TRPV5: variants seen among roughly 807,000 people sequenced by gnomAD.
The protein encoded by TRPV5 is calcium transport protein 2.
In TRPV5, 66 loss-of-function variants were observed where a neutral mutation model predicts 74.1. The observed-to-expected ratio is 0.89, with a 90% CI of 0.73 to 1.09. The LOEUF (loss-of-function observed/expected upper bound fraction) is 1.09, where lower values mean the gene tolerates loss of function less well. Ranked by LOEUF, TRPV5 falls within the 50% of genes least tolerant of loss-of-function variation. TRPV5 has a pLI of 0.00. For synonymous variants in TRPV5, 399 were observed against 360.7 expected (o/e 1.11, Z -1.20); for missense variants, 936 against 930.4 (o/e 1.01, Z -0.08).
At chr7:142,922,559 C>A (rs1795903252) in intron 8 of TRPV5, among the ~76,000 whole-genome samples, 1 of 152,146 alleles carries the variant, frequency 6.6e-6, no homozygotes, top group African/African-American at 2.4e-5. Flanking sequence ...ATTAGGTCTA[C>A]TAAAGTGTAG....
In TRPV5 at chr7:142,925,610, G is replaced by T; in HGVS notation, c.1041C>A (p.Cys347Ter). ...CACGAAACTTAAGGGGGCGGTAGACGCAGCACGTAGTAAAGCAGATCATGT... is the reference window on the plus strand; with the variant it reads ...CACGAAACTTAAGGGGGCGGTAGACTCAGCACGTAGTAAAGCAGATCATGT... ...LLYMICFTTC[C>*]VYRPLKFRGG... The change falls in exon 8 of 15, where the codon TGC becomes TGA. Residue 347 changes from cysteine (C) to a stop codon, truncating the protein, a stop_gained. Coordinates refer to ENST00000265310, the MANE Select transcript of TRPV5 (RefSeq NM_019841.7). LOFTEE classifies it high-confidence loss of function. 1 of 1,614,188 alleles carries T rather than the reference G, an allele frequency of 6.2e-7. No individual in the cohort carries two copies. The highest frequency in any genetic ancestry group is 8.5e-7 in the Non-Finnish European group (1 of 1,180,038).
chr7:142,910,234 T>A (rs1434424376), intron 13 of TRPV5, among the ~76,000 whole-genome samples: 1 of 152,222 alleles, frequency 6.6e-6, no homozygotes, highest in East Asian at 1.9e-4. Context: ...TAGATTGGAA[T>A]GCTGGTGTAA....
intron 1 of TRPV5, among the ~76,000 whole-genome samples, chr7:142,932,205 G>A (rs1189658149): frequency 6.6e-6 from 1 of 152,056 alleles, no homozygotes; most frequent in Non-Finnish European, 1.5e-5. Context: ...CCCATCCTGA[G>A]GCCACTGCAC....
At chr7:142,925,390 C>G in intron 8 of TRPV5, 139 bp downstream of exon 8, 2 of 801,110 alleles carry the variant, frequency 2.5e-6, no homozygotes, top group Non-Finnish European at 4.1e-6. Context: ...GGTCTCATGT[C>G]TAATTTCTAC....
intron 1 of TRPV5, among the ~76,000 whole-genome samples, chr7:142,932,959 G>A (rs1226886896): frequency 2.0e-5 from 3 of 151,968 alleles, no homozygotes; most frequent in Admixed American, 6.6e-5. Context: ...TTTCCTTATC[G>A]TGCTTCCACC....
At chr7:142,924,265 C>T (rs1175436827) in intron 8 of TRPV5, among the ~76,000 whole-genome samples, 1 of 102,500 alleles carries the variant, frequency 9.8e-6, no homozygotes, top group Non-Finnish European at 1.9e-5. Flanking sequence ...TATATATATA[C>T]ATATATATAT....
intron 8 of TRPV5, among the ~76,000 whole-genome samples, chr7:142,916,759 C>T (rs1795806114): frequency 1.3e-5 from 2 of 152,190 alleles, no homozygotes; most frequent in African/African-American, 4.8e-5. Context: ...TCTACTGCAG[C>T]AGCACACTCA....
intron 8 of TRPV5, among the ~76,000 whole-genome samples, chr7:142,923,357 G>A (rs1419283591): frequency 1.3e-5 from 2 of 152,170 alleles, no homozygotes; most frequent in Non-Finnish European, 2.9e-5. Flanking sequence ...GGTGCACTGT[G>A]AAAACAGAAT....
intron 13 of TRPV5, among the ~76,000 whole-genome samples, chr7:142,911,479 GTT>G: frequency 6.6e-6 from 1 of 152,100 alleles, no homozygotes; most frequent in Non-Finnish European, 1.5e-5. Flanking sequence ...TCACCTTTGG[GTT>G]CTCATCTTAA....
intron 8 of TRPV5, among the ~76,000 whole-genome samples, chr7:142,924,461 G>C (rs1358731576): frequency 6.7e-6 from 1 of 149,448 alleles, no homozygotes; most frequent in Non-Finnish European, 1.5e-5. Flanking sequence ...CCTAGCATAG[G>C]GTTCATTTGG....
At position 142,930,141 on chromosome 7, in the gene TRPV5, T is replaced by C. The variant is rs760120370; in HGVS notation, c.266A>G (p.Tyr89Cys). Residue 89 changes from tyrosine to cysteine, a missense_variant, in exon 3 of 15, where the codon TAT (tyrosine) becomes TGT (cysteine). Physicochemically the swap from Tyr to Cys is radical, Grantham distance 194. Coordinates refer to ENST00000265310, the MANE Select transcript of TRPV5 (RefSeq NM_019841.7). ...GETALHIAAL[Y>C]DNLEAALVLM... ...CACCAAGGCCGCCTCCAAGTTGTCA[T>C]AGAGGGCTGCTATGTGCAGCGCCGT... is the stretch of plus-strand genomic sequence containing the variant. The C allele has an allele frequency of 8.1e-6, 13 of 1,614,058 alleles. No homozygotes were observed. Among genetic ancestry groups the C allele is most frequent in the African/African-American group, 2.7e-5 (2 of 74,914 alleles).
rs968165374 is a variant in TRPV5 at position 142,915,578 on chromosome 7, G to A, written c.1123-10C>T. On this transcript the variant is annotated splice_polypyrimidine_tract_variant and intron_variant, in intron 8 of 14. Coordinates refer to ENST00000265310, the MANE Select transcript of TRPV5 (RefSeq NM_019841.7). Reference sequence around the variant, plus strand: ...GTGTCTCATAGGCCTCCTATGTGGGGAAATTCAGAAGAAGTGCTTTCTGAT... The same window carrying A: ...GTGTCTCATAGGCCTCCTATGTGGGAAAATTCAGAAGAAGTGCTTTCTGAT... The A allele has an allele frequency of 1.3e-5, 21 of 1,613,582 alleles. No individual in the cohort carries two copies. The Admixed American group carries it at 2.0e-4, about 15-fold the overall frequency.
intron 14 of TRPV5, 65 bp from the exon 15 acceptor site, chr7:142,908,873 G>A (rs1586211598): frequency 2.6e-6 from 4 of 1,514,744 alleles, no homozygotes; most frequent in East Asian, 2.3e-5. Context: ...GAGAAGTAGA[G>A]GTGACCATTT....
At chr7:142,916,784 G>A (rs1260935279) in intron 8 of TRPV5, among the ~76,000 whole-genome samples, 2 of 152,322 alleles carry the variant, frequency 1.3e-5, no homozygotes, top group East Asian at 1.9e-4. Context: ...CCCGGTGAGA[G>A]GCAGTGCTTT....
Position 142,928,820 on chromosome 7 carries a change from A to T in TRPV5, c.633T>A (p.Phe211Leu), listed in dbSNP as rs1415205438. 2 of 1,614,142 alleles carry T rather than the reference A, an allele frequency of 1.2e-6. No individual in the cohort carries two copies. Among genetic ancestry groups the T allele is most frequent in the Non-Finnish European group, 8.5e-7 (1 of 1,179,998 alleles). ...GCAGCAGGTTGTACATCTGGCAGGC[A>T]AAGGTTTTGTTGGGCTGGAGGATGA... ...HILILQPNKT[F>L]ACQMYNLLLS... Residue 211 changes from phenylalanine to leucine, a missense_variant, in exon 6 of 15, where the codon TTT becomes TTA. Physicochemically the swap from Phe to Leu is conservative, Grantham distance 22. Coordinates refer to ENST00000265310, the MANE Select transcript of TRPV5 (RefSeq NM_019841.7).
chr7:142,910,714 T>C (rs1795690223), intron 13 of TRPV5, among the ~76,000 whole-genome samples: 1 of 152,212 alleles, frequency 6.6e-6, no homozygotes, highest in African/African-American at 2.4e-5. Flanking sequence ...CATTCTGTGC[T>C]CTTACCCTGG....
rs541956388 is a variant in TRPV5 at position 142,914,532 on chromosome 7, A to G, written c.1519+108T>C. On this transcript the variant is annotated intron_variant, in intron 12 of 14. Transcript: ENST00000265310. ...AAAACAAAACAAAAAACAAACAAAA[A>G]AAAAGAAAGCAAAATGAAGTGCAAA... 7 of 1,035,798 alleles carry G rather than the reference A, an allele frequency of 6.8e-6. No individual in the cohort carries two copies. In the South Asian group the frequency reaches 7.6e-5, roughly 11 times the overall value. The allele number at this position is 1,035,798 out of a possible 1,614,324, so 64.2% of individuals were successfully genotyped here.
chr7:142,928,041 A>T, intron 7 of TRPV5, 47 bp downstream of exon 7: 16 of 1,611,898 alleles, frequency 9.9e-6, no homozygotes, highest in Non-Finnish European at 1.4e-5. Flanking sequence ...CTGCACAAAC[A>T]CTAAATTCCC....
chr7:142,914,488 A>T lies in TRPV5; in HGVS notation c.1519+152T>A, dbSNP rs151150519. The T allele has an allele frequency of 1.0e-3, 771 of 750,812 alleles. 4 individuals are homozygous for T. The African/African-American group carries it at 0.013, about 12-fold the overall frequency. The allele number at this position is 750,812 out of a possible 1,614,324, so 46.5% of individuals were successfully genotyped here. A position where few individuals can be genotyped will look rare whatever the true frequency, so the allele number is the denominator to read the frequency against. On this transcript the variant is annotated intron_variant, in intron 12 of 14. Transcript: ENST00000265310. ...CCTATAAATATGGGTGTGCTTTTAG[A>T]CTTACCTTCCAACAGGAAAAAACAA...
Sources: gnomAD v4.1 joint callset for allele counts (sites outside exome capture counted in the v4.1 genomes callset) on GRCh38, gnomAD v4.1.1 for gene constraint, MANE v1.5 for transcripts, NCBI Gene and HGNC (gene_info 2026-07-23, HGNC 2026-07-21) for gene names.